The following MLLT3 variants were observed in gnomAD, a reference collection of about 807,000 sequenced individuals.
The protein encoded by MLLT3 is protein AF-9.
Under a neutral mutation model 53.2 loss-of-function variants are expected in MLLT3, and 4 were observed. That is an observed-to-expected ratio of 0.08 (90% CI 0.04 to 0.17). The LOEUF is 0.17. MLLT3 is among the 10% of genes least tolerant of loss of function. MLLT3 has a pLI of 1.00. For synonymous variants in MLLT3, 283 were observed against 230.6 expected, an observed-to-expected ratio of 1.23 and a Z score of -2.06; for missense variants, 569 against 684.0, an observed-to-expected ratio of 0.83 and a Z score of 1.87.
chr9:20,595,557 C>T (rs1011796598), intron 2 of MLLT3, among the ~76,000 whole-genome samples: 4 of 152,034 alleles, frequency 2.6e-5, no homozygotes, highest in African/African-American at 9.7e-5. Flanking sequence ...GATCCTGTAT[C>T]TATCATTTGA....
At chr9:20,535,700 G>T (rs906537977) in intron 2 of MLLT3, among the ~76,000 whole-genome samples, 3 of 152,130 alleles carry the variant, frequency 2.0e-5, no homozygotes, top group African/African-American at 7.2e-5. Flanking sequence ...GCAGGGTCTT[G>T]GTACAGCAGA....
intron 4 of MLLT3, among the ~76,000 whole-genome samples, chr9:20,421,011 C>T (rs908822069): frequency 1.3e-5 from 2 of 152,142 alleles, no homozygotes; most frequent in African/African-American, 2.4e-5. Flanking sequence ...CACCTGTAAT[C>T]CCAGCACTTT....
rs1382129628 is a variant in MLLT3 at position 20,343,043 on chromosome 9, C to T, written c.*3400G>A. The T allele has an allele frequency of 2.7e-5, 5 of 186,106 alleles. No homozygotes were observed. The East Asian group carries it at 4.3e-4, about 16-fold the overall frequency. The allele number at this position is 186,106 out of a possible 1,614,324, so 11.5% of individuals were successfully genotyped here. On this transcript the variant is annotated 3_prime_UTR_variant, in exon 11 of 11. Coordinates refer to ENST00000380338, the MANE Select transcript of MLLT3 (RefSeq NM_004529.4). Reference sequence around the variant, plus strand: ...CTCCATTAAGTAGGCAAAGTTAAAACATTTAAGAGTAAAGTCTCTCTTAAA... The same window carrying T: ...CTCCATTAAGTAGGCAAAGTTAAAATATTTAAGAGTAAAGTCTCTCTTAAA...
At chr9:20,409,343 C>G (rs1334095035) in intron 5 of MLLT3, among the ~76,000 whole-genome samples, 1 of 152,166 alleles carries the variant, frequency 6.6e-6, no homozygotes, top group Non-Finnish European at 1.5e-5. Flanking sequence ...ACTCTATACA[C>G]TTCTCTTCAG....
At chr9:20,512,023 A>G (rs1197376726) in intron 2 of MLLT3, among the ~76,000 whole-genome samples, 2 of 152,214 alleles carry the variant, frequency 1.3e-5, no homozygotes, top group African/African-American at 4.8e-5. Context: ...CTGGAGCAAT[A>G]AAAAGAAAAA....
intron 2 of MLLT3, among the ~76,000 whole-genome samples, chr9:20,498,168 C>CAGTGAGCAG (rs1825124996): frequency 7.7e-6 from 1 of 129,350 alleles, no homozygotes; most frequent in Admixed American, 9.8e-5. Context: ...GCAGAGGCTG[C>CAGTGAGCAG]AGTGAGCAGA....
intron 4 of MLLT3, among the ~76,000 whole-genome samples, chr9:20,447,523 T>C (rs1198195539): frequency 6.6e-6 from 1 of 152,186 alleles, no homozygotes; most frequent in Non-Finnish European, 1.5e-5. Context: ...TGTTTATGTT[T>C]CCAAGAGGTA....
intron 2 of MLLT3, among the ~76,000 whole-genome samples, chr9:20,521,434 C>CA (rs893296267): frequency 2.8e-5 from 4 of 145,326 alleles, no homozygotes; most frequent in African/African-American, 1.0e-4. Context: ...GTCTCCTGCT[C>CA]ACTCTCTCTC....
chr9:20,359,130 A>G (rs917232140), intron 8 of MLLT3, among the ~76,000 whole-genome samples: 15 of 138,322 alleles, frequency 1.1e-4, no homozygotes, highest in Non-Finnish European at 1.5e-4. Context: ...GGGCAACAAG[A>G]GCAAAACTCC....
chr9:20,560,585 G>A (rs544856534), intron 2 of MLLT3, among the ~76,000 whole-genome samples: 37 of 152,254 alleles, frequency 2.4e-4, no homozygotes, highest in African/African-American at 8.4e-4. Flanking sequence ...CACAAAAGAA[G>A]TAGATATAGG....
intron 4 of MLLT3, among the ~76,000 whole-genome samples, chr9:20,428,400 A>C (rs143652319): frequency 6.6e-6 from 1 of 152,156 alleles, no homozygotes; most frequent in African/African-American, 2.4e-5. Flanking sequence ...TAAAATTTAA[A>C]AACGTTTTAA....
At chr9:20,544,478 T>A (rs997359590) in intron 2 of MLLT3, among the ~76,000 whole-genome samples, 3 of 152,190 alleles carry the variant, frequency 2.0e-5, no homozygotes, top group African/African-American at 7.2e-5. Flanking sequence ...AAGAGGCATA[T>A]GAGAAGATGT....
chr9:20,560,341 T>C (rs1199069402), intron 2 of MLLT3, among the ~76,000 whole-genome samples: 1 of 152,174 alleles, frequency 6.6e-6, no homozygotes, highest in Non-Finnish European at 1.5e-5. Flanking sequence ...TTTTGAAAGA[T>C]GATGTATACG....
intron 2 of MLLT3, among the ~76,000 whole-genome samples, chr9:20,470,372 T>TA (rs570761232): frequency 2.6e-4 from 39 of 151,964 alleles, no homozygotes; most frequent in African/African-American, 7.5e-4. Flanking sequence ...TGTGTTTTAT[T>TA]AAAAAAAATT....
chr9:20,485,630 A>G (rs1824790934), intron 2 of MLLT3, among the ~76,000 whole-genome samples: 2 of 152,234 alleles, frequency 1.3e-5, no homozygotes, highest in Non-Finnish European at 2.9e-5. Flanking sequence ...AAGATGTTTT[A>G]AATCACATTT....
At position 20,429,719 on chromosome 9, in the gene MLLT3, T is replaced by C. The variant is rs568477616; in HGVS notation, c.421-15294A>G. On this transcript the variant is annotated intron_variant, in intron 4 of 10. Coordinates refer to ENST00000380338, the MANE Select transcript of MLLT3 (RefSeq NM_004529.4). The stretch of plus-strand genomic sequence containing the variant: ...GATACTGAAACGTTTTCTGATAAAA[T>C]CAAAAATTCATCCATGGTTTTTCAA... Among the ~76,000 whole-genome samples, 8 of 152,170 alleles carry C rather than the reference T, an allele frequency of 5.3e-5. No individual in the cohort carries two copies. The South Asian group carries it at 8.3e-4, about 16-fold the overall frequency.
chr9:20,400,173 T>G lies in MLLT3; in HGVS notation c.1125+13548A>C, dbSNP rs766303793. ...AAACCTAACATGACTCTGACCATGA[T>G]TCTAACTTTGACTATTGACTTACAG... is the stretch of plus-strand genomic sequence containing the variant. On this transcript the variant is annotated intron_variant, in intron 5 of 10. Transcript: ENST00000380338. Among the ~76,000 whole-genome samples, 40 of 152,114 alleles carry G rather than the reference T, an allele frequency of 2.6e-4. 2 individuals carry two copies. The highest frequency in any genetic ancestry group is 5.9e-5 in the Non-Finnish European group (4 of 68,004).
In MLLT3 at chr9:20,502,040, C is replaced by T. The variant is rs192587875; in HGVS notation, c.194-45254G>A. Among the ~76,000 whole-genome samples, 21 of 139,790 alleles carry T rather than the reference C, an allele frequency of 1.5e-4. No homozygotes were observed. The East Asian group carries it at 4.3e-3, about 29-fold the overall frequency. 91.7% of individuals were successfully genotyped at this position (139,790 alleles called of 152,430 possible). A position where few individuals can be genotyped will look rare whatever the true frequency, so the allele number is the denominator to read the frequency against. On this transcript the variant is annotated intron_variant, in intron 2 of 10. Coordinates refer to ENST00000380338, the MANE Select transcript of MLLT3 (RefSeq NM_004529.4). ...AGGTTGCAGTAAGCCAATATGGTGC[C>T]ATTGCACTCCAGCCTGGGCAACAAG...
intron 5 of MLLT3, chr9:20,380,465 A>C (rs1351451007): frequency 6.6e-6 from 1 of 152,054 alleles, no homozygotes; most frequent in Admixed American, 6.5e-5. Context: ...CTTGTTTTTA[A>C]TCTTCATAAA....
Sources: allele counts gnomAD v4.1 joint callset (sites outside exome capture counted in the v4.1 genomes callset), GRCh38; gene constraint gnomAD v4.1.1; transcripts MANE v1.5; gene names NCBI Gene and HGNC (gene_info 2026-07-23, HGNC 2026-07-21).